The following OSBPL11 variants were observed in gnomAD, a reference collection of about 807,000 sequenced individuals.
OSBPL11 encodes oxysterol binding protein like 11.
A neutral mutation model predicts 84.4 loss-of-function variants in OSBPL11; 33 were observed. The ratio of observed to expected loss-of-function variants is 0.39; its 90% CI spans 0.30 to 0.52. OSBPL11 has a LOEUF of 0.52. OSBPL11 is among the 20% of genes least tolerant of loss of function. The probability of loss-of-function intolerance (pLI) is 0.72; values close to 1 mark genes in which losing one functional copy is unlikely to be tolerated. For missense variants in OSBPL11, 736 were observed against 901.1 expected, an observed-to-expected ratio of 0.82 and a Z score of 2.35; for synonymous variants, 276 against 310.2, an observed-to-expected ratio of 0.89 and a Z score of 1.16.
intron 11 of OSBPL11, 86 bp downstream of exon 11, chr3:125,538,365 T>C: frequency 7.7e-7 from 1 of 1,302,678 alleles, no homozygotes; most frequent in Non-Finnish European, 1.1e-6. Flanking sequence ...TGAAGTGACT[T>C]GGCCAAGGTC....
chr3:125,540,360 A>T (rs765155201), intron 10 of OSBPL11, among the ~76,000 whole-genome samples: 1 of 143,718 alleles, frequency 7.0e-6, no homozygotes. Context: ...AAAAAAAAAG[A>T]GTAGTTGTAT....
At chr3:125,532,999 C>T (rs1319510364) in intron 11 of OSBPL11, among the ~76,000 whole-genome samples, 1 of 151,476 alleles carries the variant, frequency 6.6e-6, no homozygotes, top group Non-Finnish European at 1.5e-5. Flanking sequence ...TTTATAGAGA[C>T]AGAAAGTTAG....
intron 1 of OSBPL11, among the ~76,000 whole-genome samples, chr3:125,592,201 G>A (rs1936605134): frequency 6.6e-6 from 1 of 151,990 alleles, no homozygotes; most frequent in Admixed American, 6.6e-5. Flanking sequence ...ACCATGCCTG[G>A]CTAATTTTTT....
chr3:125,564,600 T>C (rs1462822234), intron 6 of OSBPL11, among the ~76,000 whole-genome samples: 3 of 152,198 alleles, frequency 2.0e-5, no homozygotes, highest in East Asian at 1.9e-4. Context: ...TAGAGTGCTA[T>C]AATAAGGGAT....
intron 1 of OSBPL11, among the ~76,000 whole-genome samples, chr3:125,583,533 A>G (rs903549045): frequency 7.1e-4 from 102 of 143,088 alleles, no homozygotes; most frequent in African/African-American, 2.6e-3. Context: ...ATGAGCTGAG[A>G]TCTCACCACT....
At chr3:125,585,085 A>G (rs1936485775) in intron 1 of OSBPL11, among the ~76,000 whole-genome samples, 1 of 152,124 alleles carries the variant, frequency 6.6e-6, no homozygotes, top group Non-Finnish European at 1.5e-5. Flanking sequence ...TTTAAAGTGT[A>G]CAATTTCAGT....
chr3:125,594,737 G>T lies in OSBPL11; in HGVS notation c.64C>A (p.Gln22Lys), dbSNP rs761732235. 6.2e-7 allele frequency: 1 copy of T among 1,614,184 alleles called. No homozygotes were observed. The highest frequency in any genetic ancestry group is 8.5e-7 in the Non-Finnish European group (1 of 1,180,032). Residue 22 changes from glutamine to lysine, a missense_variant, in exon 1 of 13, where the codon CAG becomes AAG. By Grantham distance (53) the Gln-to-Lys change is moderately conservative (BLOSUM62 1). Transcript: ENST00000296220. ...VSESEGKLEG[Q>K]ATAVTPNKNS... ...TTGTTCGGGGTCACCGCTGTGGCCTGGCCCTCCAGCTTTCCTTCGCTCTCC... is the reference window on the plus strand; with the variant it reads ...TTGTTCGGGGTCACCGCTGTGGCCTTGCCCTCCAGCTTTCCTTCGCTCTCC...
In OSBPL11 at chr3:125,529,077, T is replaced by C. The variant is rs1010226128; in HGVS notation, c.*1438A>G. The C allele has an allele frequency of 1.3e-5, 2 of 152,668 alleles. No individual in the cohort carries two copies. The highest frequency in any genetic ancestry group is 4.8e-5 in the African/African-American group (2 of 41,462). The allele number at this position is 152,668 out of a possible 1,614,324, so 9.5% of individuals were successfully genotyped here. On this transcript the variant is annotated 3_prime_UTR_variant, in exon 13 of 13. Coordinates refer to ENST00000296220, the MANE Select transcript of OSBPL11 (RefSeq NM_022776.5). ...CTAACCTCTTTAACAGAACACAATT[T>C]ATCAGAGCACAAAGCTTAAACTTCT... is the stretch of plus-strand genomic sequence containing the variant.
At chr3:125,550,671 T>A (rs1176540630) in intron 9 of OSBPL11, among the ~76,000 whole-genome samples, 1 of 152,186 alleles carries the variant, frequency 6.6e-6, no homozygotes, top group Non-Finnish European at 1.5e-5. Context: ...AAAAGTGGTA[T>A]TTTTTTCCTA....
At chr3:125,551,884 A>G (rs1935914287) in intron 9 of OSBPL11, among the ~76,000 whole-genome samples, 1 of 152,138 alleles carries the variant, frequency 6.6e-6, no homozygotes, top group East Asian at 1.9e-4. Flanking sequence ...CCATCCCCAC[A>G]AGAAGCATTC....
intron 6 of OSBPL11, among the ~76,000 whole-genome samples, chr3:125,565,640 A>C (rs961330530): frequency 6.6e-6 from 1 of 152,134 alleles, no homozygotes; most frequent in Non-Finnish European, 1.5e-5. Context: ...TTGGTAGGAC[A>C]ATGCATATTT....
chr3:125,559,373 G>A (rs1936040462), intron 8 of OSBPL11, among the ~76,000 whole-genome samples: 1 of 152,082 alleles, frequency 6.6e-6, no homozygotes, highest in African/African-American at 2.4e-5. Context: ...ACAACTTCCT[G>A]CTGCACAAGA....
intron 5 of OSBPL11, among the ~76,000 whole-genome samples, chr3:125,569,679 C>T (rs1285069436): frequency 6.6e-6 from 1 of 152,144 alleles, no homozygotes; most frequent in Non-Finnish European, 1.5e-5. Context: ...CAACTCATGT[C>T]CATCAACACC....
chr3:125,561,534 T>A (rs772531374), intron 7 of OSBPL11, among the ~76,000 whole-genome samples: 2 of 152,234 alleles, frequency 1.3e-5, no homozygotes, highest in African/African-American at 4.8e-5. Flanking sequence ...GAAATGCACA[T>A]AATCTATTCA....
intron 11 of OSBPL11, among the ~76,000 whole-genome samples, chr3:125,534,653 A>C (rs1464281172): frequency 6.6e-6 from 1 of 151,790 alleles, no homozygotes; most frequent in Non-Finnish European, 1.5e-5. Flanking sequence ...AAGTCATCAG[A>C]TAGAAATAAA....
chr3:125,569,035 C>G (rs946646219), intron 5 of OSBPL11, among the ~76,000 whole-genome samples: 1 of 152,086 alleles, frequency 6.6e-6, no homozygotes, highest in Non-Finnish European at 1.5e-5. Context: ...GTAGCCTTGA[C>G]TTCCCAGGCT....
chr3:125,562,629 A>G (rs1029130964), intron 7 of OSBPL11, among the ~76,000 whole-genome samples: 5 of 152,040 alleles, frequency 3.3e-5, no homozygotes, highest in African/African-American at 7.2e-5. Context: ...ATAACCTAAG[A>G]AAAAAAATAG....
At position 125,529,950 on chromosome 3, in the gene OSBPL11, G is replaced by A. The variant is rs967543959; in HGVS notation, c.*565C>T. 6.5e-6 allele frequency: 1 copy of A among 153,742 alleles called. No individual in the cohort carries two copies. The highest frequency in any genetic ancestry group is 1.4e-5 in the Non-Finnish European group (1 of 69,054). The allele number at this position is 153,742 out of a possible 1,614,324, so 9.5% of individuals were successfully genotyped here. ...TAAGTTCCTCAGACACAGGCATACAGTCTTTTTGAAGAAATAGAATGCCTT... is the reference window on the plus strand; with the variant it reads ...TAAGTTCCTCAGACACAGGCATACAATCTTTTTGAAGAAATAGAATGCCTT... On this transcript the variant is annotated 3_prime_UTR_variant, in exon 13 of 13. Transcript: ENST00000296220.
At chr3:125,548,854 C>T (rs1935857835) in intron 9 of OSBPL11, among the ~76,000 whole-genome samples, 1 of 151,462 alleles carries the variant, frequency 6.6e-6, no homozygotes, top group Non-Finnish European at 1.5e-5. Context: ...CTAAAGTAGC[C>T]TACACAAAGC....
Sources: gnomAD v4.1 joint callset for allele counts (sites outside exome capture counted in the v4.1 genomes callset) on GRCh38, gnomAD v4.1.1 for gene constraint, MANE v1.5 for transcripts, NCBI Gene and HGNC (gene_info 2026-07-23, HGNC 2026-07-21) for gene names.